The following PSD3 variants were observed in gnomAD, a reference collection of about 807,000 sequenced individuals.
PSD3 encodes pleckstrin and Sec7 domain containing 3.
PSD3 carries 49 observed loss-of-function variants against 105.5 expected under a neutral mutation model. That is an observed-to-expected ratio of 0.46 (90% confidence interval 0.37 to 0.59). The LOEUF (loss-of-function observed/expected upper bound fraction) is 0.59, where lower values mean the gene tolerates loss of function less well. PSD3 is among the 20% of genes least tolerant of loss of function. PSD3 has a pLI of 0.00. For missense variants in PSD3, 1,561 were observed against 1,263.8 expected (o/e 1.24, Z -3.57); for synonymous variants, 557 against 457.8 (o/e 1.22, Z -2.77).
rs1250364510 is a variant in PSD3 at position 18,594,135 on chromosome 8, TATATATATTATATA to T, written c.2481+6215_2481+6228del. On this transcript the variant is annotated intron_variant, in intron 12 of 15. Transcript: ENST00000327040. ...ACTTAAAGTATAATAATATATATTA[TATATATATTATATA>T]ATATATATTATTATATACATATTAT... Among the ~76,000 whole-genome samples the T allele has an allele frequency of 4.3e-3, 229 of 52,860 alleles. 47 individuals carry two copies. The highest frequency in any genetic ancestry group is 6.6e-3 in the Non-Finnish European group (186 of 28,300). The allele number at this position is 52,860 out of a possible 152,430, so 34.7% of individuals were successfully genotyped here.
rs1441561803 is a variant in PSD3 at position 18,594,262 on chromosome 8, ATAT to A, written c.2481+6099_2481+6101del. On this transcript the variant is annotated intron_variant, in intron 12 of 15. Transcript: ENST00000327040. ...TATTATTATATATATTATATAATAT[ATAT>A]TATTATATATATTATATAATATATA... Among the ~76,000 whole-genome samples the A allele has an allele frequency of 1.6e-3, 36 of 23,022 alleles. 3 individuals are homozygous for A. The highest frequency in any genetic ancestry group is 3.7e-3 in the African/African-American group (34 of 9,182). The allele number at this position is 23,022 out of a possible 152,430, so 15.1% of individuals were successfully genotyped here.
chr8:18,813,160 G>C (rs1332217356), intron 4 of PSD3, among the ~76,000 whole-genome samples: 1 of 152,112 alleles, frequency 6.6e-6, no homozygotes. Context: ...GATGTGCATG[G>C]AGCTATGTTC....
At chr8:18,988,807 G>A (rs1267425403) in intron 1 of PSD3, among the ~76,000 whole-genome samples, 1 of 152,118 alleles carries the variant, frequency 6.6e-6, no homozygotes, top group Admixed American at 6.6e-5. Context: ...AAATAACTTT[G>A]GTTTCTGAAA....
intron 9 of PSD3, among the ~76,000 whole-genome samples, chr8:18,760,367 T>C (rs904897146): frequency 3.3e-5 from 5 of 152,204 alleles, no homozygotes; most frequent in Non-Finnish European, 7.3e-5. Context: ...TTTATTTATA[T>C]AGTCGAAAGG....
intron 4 of PSD3, among the ~76,000 whole-genome samples, chr8:18,864,145 A>G (rs145451174): frequency 6.6e-6 from 1 of 152,328 alleles, no homozygotes; most frequent in East Asian, 1.9e-4. Flanking sequence ...TTTGTTGAAG[A>G]TATCTGGTCT....
intron 1 of PSD3, among the ~76,000 whole-genome samples, chr8:19,061,576 G>C (rs1032920846): frequency 1.3e-5 from 2 of 152,168 alleles, no homozygotes; most frequent in African/African-American, 2.4e-5. Context: ...GGGAGGCCAA[G>C]GTGGGCGGAT....
intron 15 of PSD3, among the ~76,000 whole-genome samples, chr8:18,547,365 C>T (rs566214888): frequency 1.8e-4 from 27 of 152,250 alleles, no homozygotes; most frequent in South Asian, 4.1e-4. Flanking sequence ...GGGCTTGCTG[C>T]GGCTGTGGTA....
rs558297546 is a variant in PSD3 at position 19,052,967 on chromosome 8, G to A, written c.324+31239C>T. 5.3e-5 allele frequency among the ~76,000 whole-genome samples: 8 copies of A among 152,200 alleles called. No individual in the cohort carries two copies. In the East Asian group the frequency reaches 1.2e-3, roughly 22 times the overall value. Reference sequence around the variant, plus strand: ...CTGACAATGACAAATTCCCCACCTCGAGCCTTCACACTGTGGAAGGTCAGG... The same window carrying A: ...CTGACAATGACAAATTCCCCACCTCAAGCCTTCACACTGTGGAAGGTCAGG... On this transcript the variant is annotated intron_variant, in intron 1 of 1. Transcript: ENST00000521475.
At chr8:18,768,766 C>G (rs978799843) in intron 8 of PSD3, among the ~76,000 whole-genome samples, 1 of 152,150 alleles carries the variant, frequency 6.6e-6, no homozygotes, top group African/African-American at 2.4e-5. Context: ...CCCATTCAAG[C>G]TGTCTAAATA....
At chr8:18,998,010 AT>A (rs987474489) in intron 1 of PSD3, among the ~76,000 whole-genome samples, 1 of 151,576 alleles carries the variant, frequency 6.6e-6, no homozygotes, top group Admixed American at 6.6e-5. Flanking sequence ...TATTTTACTT[AT>A]TTTTTTGTCT....
chr8:18,578,519 T>A (rs962064306), intron 12 of PSD3, among the ~76,000 whole-genome samples: 3 of 152,078 alleles, frequency 2.0e-5, no homozygotes, highest in Admixed American at 6.5e-5. Flanking sequence ...TATGTAACCG[T>A]TGGGATGGTT....
chr8:18,814,746 G>A (rs1750725510), intron 4 of PSD3, among the ~76,000 whole-genome samples: 1 of 152,148 alleles, frequency 6.6e-6, no homozygotes, highest in Non-Finnish European at 1.5e-5. Flanking sequence ...CCCATTTCCG[G>A]TGGACAAGAC....
chr8:18,843,915 A>ATT (rs10578700), intron 4 of PSD3, among the ~76,000 whole-genome samples: 22 of 141,698 alleles, frequency 1.6e-4, no homozygotes, highest in African/African-American at 5.0e-4. Flanking sequence ...AAGATAGACT[A>ATT]TTTTTTTTTT....
intron 9 of PSD3, among the ~76,000 whole-genome samples, chr8:18,662,424 C>T (rs1463014975): frequency 6.6e-6 from 1 of 152,124 alleles, no homozygotes; most frequent in Non-Finnish European, 1.5e-5. Context: ...TTTTTTCCTA[C>T]TTACAATGTG....
chr8:18,716,269 C>G (rs144146552), intron 9 of PSD3, among the ~76,000 whole-genome samples: 163 of 152,334 alleles, frequency 1.1e-3, no homozygotes, highest in African/African-American at 3.8e-3. Context: ...ACCTTACACA[C>G]CTCATATGGT....
At chr8:18,557,089 G>C (rs1217049018) in intron 14 of PSD3, among the ~76,000 whole-genome samples, 1 of 152,152 alleles carries the variant, frequency 6.6e-6, no homozygotes, top group East Asian at 1.9e-4. Flanking sequence ...TATCACCTTA[G>C]CAATAGGCTA....
intron 9 of PSD3, among the ~76,000 whole-genome samples, chr8:18,700,459 C>T (rs1801512776): frequency 6.6e-6 from 1 of 152,134 alleles, no homozygotes; most frequent in South Asian, 2.1e-4. Context: ...ATAGTGTGAA[C>T]ACTCGTGAGA....
intron 1 of PSD3, among the ~76,000 whole-genome samples, chr8:19,074,860 T>G (rs1201910808): frequency 6.6e-6 from 1 of 151,684 alleles, no homozygotes; most frequent in Admixed American, 6.6e-5. Context: ...GACCTTGTGA[T>G]CCGCCTGCCT....
intron 9 of PSD3, among the ~76,000 whole-genome samples, chr8:18,687,672 T>C (rs1800736516): frequency 2.6e-5 from 4 of 152,076 alleles, no homozygotes; most frequent in Admixed American, 2.6e-4. Flanking sequence ...CATCCACGTG[T>C]GTGTGTCCAC....
Sources: gnomAD v4.1 joint callset for allele counts (sites outside exome capture counted in the v4.1 genomes callset) on GRCh38, gnomAD v4.1.1 for gene constraint, MANE v1.5 for transcripts, NCBI Gene and HGNC (gene_info 2026-07-23, HGNC 2026-07-21) for gene names.